The following EPM2A variants were observed in gnomAD, a reference collection of about 807,000 sequenced individuals.
EPM2A encodes the protein laforin.
A neutral mutation model predicts 26.5 loss-of-function variants in EPM2A; 21 were observed. The observed-to-expected ratio is 0.79, with a 90% confidence interval of 0.56 to 1.14. The LOEUF is 1.14. Ranked by LOEUF, EPM2A falls within the 50% of genes most tolerant of loss-of-function variation. The pLI, the probability that EPM2A is intolerant of heterozygous loss-of-function variation, is 0.00. For missense variants in EPM2A, 458 were observed against 440.8 expected, an observed-to-expected ratio of 1.04 and a Z score of -0.35; for synonymous variants, 217 against 177.6, an observed-to-expected ratio of 1.22 and a Z score of -1.76.
chr6:145,521,897 G>A (rs1019174908), intron 2 of EPM2A, among the ~76,000 whole-genome samples: 5 of 152,192 alleles, frequency 3.3e-5, no homozygotes, highest in African/African-American at 1.2e-4. Context: ...AAATGGTAAA[G>A]ATCCATGTCT....
intron 1 of EPM2A, among the ~76,000 whole-genome samples, chr6:145,729,159 C>A (rs989263885): frequency 6.6e-6 from 1 of 152,194 alleles, no homozygotes; most frequent in Non-Finnish European, 1.5e-5. Flanking sequence ...ACCTAGATAT[C>A]CAGGCAGAAG....
At chr6:145,462,215 T>A (rs1318362030) in intron 4 of EPM2A, among the ~76,000 whole-genome samples, 2 of 152,170 alleles carry the variant, frequency 1.3e-5, no homozygotes, top group Non-Finnish European at 2.9e-5. Context: ...ACTTCAGATA[T>A]TTCCAGGAGT....
At chr6:145,466,011 G>C (rs946198436) in intron 4 of EPM2A, among the ~76,000 whole-genome samples, 2 of 151,930 alleles carry the variant, frequency 1.3e-5, no homozygotes, top group African/African-American at 4.8e-5. Context: ...AGACTTAAAG[G>C]TTAGACCTAA....
chr6:145,679,341 T>C (rs1780323431), intron 2 of EPM2A, among the ~76,000 whole-genome samples: 1 of 151,810 alleles, frequency 6.6e-6, no homozygotes, highest in Non-Finnish European at 1.5e-5. Flanking sequence ...CAAACCAACA[T>C]GGCACATGTA....
At chr6:145,716,881 TTTG>T (rs1775658209) in intron 1 of EPM2A, among the ~76,000 whole-genome samples, 1 of 152,214 alleles carries the variant, frequency 6.6e-6, no homozygotes, top group Non-Finnish European at 1.5e-5. Flanking sequence ...TAAAAACAGC[TTTG>T]TTGTTGTATT....
At chr6:145,455,148 T>C (rs1779246610) in intron 4 of EPM2A, among the ~76,000 whole-genome samples, 1 of 152,104 alleles carries the variant, frequency 6.6e-6, no homozygotes, top group Admixed American at 6.5e-5. Context: ...TAAAATTGTG[T>C]TGTGGTAACA....
chr6:145,697,255 C>T (rs894848554), intron 1 of EPM2A, among the ~76,000 whole-genome samples: 4 of 151,970 alleles, frequency 2.6e-5, no homozygotes, highest in African/African-American at 7.3e-5. Context: ...CCCCCGGAGC[C>T]GTAAAACCAG....
At chr6:145,547,910 T>C (rs934519397) in intron 2 of EPM2A, among the ~76,000 whole-genome samples, 2 of 152,094 alleles carry the variant, frequency 1.3e-5, no homozygotes, top group Admixed American at 1.3e-4. Flanking sequence ...ATGATAATAA[T>C]GCATGATTTT....
At chr6:145,645,929 T>C (rs1396800516) in intron 2 of EPM2A, among the ~76,000 whole-genome samples, 2 of 152,134 alleles carry the variant, frequency 1.3e-5, no homozygotes, top group African/African-American at 4.8e-5. Context: ...TTATTCTGCA[T>C]TCATGACTGT....
Position 145,696,772 on chromosome 6 carries a change from GGTATGTGTGTGTGT to G in EPM2A, c.302-10490_302-10477del, listed in dbSNP as rs879383101. Among the ~76,000 whole-genome samples the G allele has an allele frequency of 8.3e-3, 915 of 110,794 alleles. 10 individuals carry two copies. The highest frequency in any genetic ancestry group is 0.03 in the African/African-American group (864 of 28,570). The allele number at this position is 110,794 out of a possible 152,430, so 72.7% of individuals were successfully genotyped here. A position where few individuals can be genotyped will look rare whatever the true frequency, so the allele number is the denominator to read the frequency against. ...GAATCAAACATCTGGCACAGGTAGG[GGTATGTGTGTGTGT>G]GTGTGTGTGTGTGTGTGTGTGTGTG... is the stretch of plus-strand genomic sequence containing the variant. On this transcript the variant is annotated intron_variant, in intron 1 of 3. Coordinates refer to ENST00000367519, the MANE Select transcript of EPM2A (RefSeq NM_005670.4).
At chr6:145,443,023 G>A (rs1464958553) in intron 4 of EPM2A, among the ~76,000 whole-genome samples, 1 of 151,202 alleles carries the variant, frequency 6.6e-6, no homozygotes, top group Non-Finnish European at 1.5e-5. Context: ...ACCACGCCCG[G>A]CTAATTTTTG....
chr6:145,445,466 A>G (rs1779117954), intron 4 of EPM2A, among the ~76,000 whole-genome samples: 2 of 152,356 alleles, frequency 1.3e-5, no homozygotes, highest in South Asian at 4.1e-4. Context: ...TCCAGTATAG[A>G]GAATCTAGGC....
At chr6:145,413,739 C>T (rs1199590296) in intron 4 of EPM2A, among the ~76,000 whole-genome samples, 1 of 152,178 alleles carries the variant, frequency 6.6e-6, no homozygotes, top group Non-Finnish European at 1.5e-5. Context: ...TAACTTCTAT[C>T]TCTTGGCCAT....
rs910818459 is a variant in EPM2A at position 145,385,958 on chromosome 6, T to C, written c.556-1861A>G. ...ATTCCTTGTGTAGTTCAGACTCATG[T>C]AAACAAAACTATACTCCAGGGAGAT... On this transcript the variant is annotated intron_variant, in intron 4 of 4. Transcript: ENST00000638717. Among the ~76,000 whole-genome samples, 20 of 152,254 alleles carry C rather than the reference T, an allele frequency of 1.3e-4. No individual in the cohort carries two copies. The East Asian group carries it at 1.5e-3, about 12-fold the overall frequency.
chr6:145,683,268 G>GGTGTGTGTGTGTGTGTGTGTGTGTGT (rs35326843), intron 2 of EPM2A, among the ~76,000 whole-genome samples: 11 of 134,008 alleles, frequency 8.2e-5, no homozygotes, highest in African/African-American at 1.6e-4. Flanking sequence ...CCCAGGATTT[G>GGTGTGTGTGTGTGTGTGTGTGTGTGT]GTGTGTGTGT....
At chr6:145,687,815 A>T (rs1781028080) in intron 1 of EPM2A, among the ~76,000 whole-genome samples, 1 of 152,094 alleles carries the variant, frequency 6.6e-6, no homozygotes, top group African/African-American at 2.4e-5. Flanking sequence ...TTCCTAGATC[A>T]GTCTCCTCTT....
intron 1 of EPM2A, chr6:145,734,739 G>C (rs1473228800): frequency 6.6e-6 from 1 of 152,556 alleles, no homozygotes; most frequent in Admixed American, 6.5e-5. Context: ...CCAAGGCGGA[G>C]TTGGGCTGTT....
At chr6:145,644,562 G>C (rs1479637280) in intron 2 of EPM2A, among the ~76,000 whole-genome samples, 1 of 152,116 alleles carries the variant, frequency 6.6e-6, no homozygotes, top group Non-Finnish European at 1.5e-5. Context: ...TAGCAGTGCT[G>C]CAGTCAGGGA....
At chr6:145,516,423 A>C (rs1780128371) in intron 2 of EPM2A, among the ~76,000 whole-genome samples, 1 of 152,180 alleles carries the variant, frequency 6.6e-6, no homozygotes, top group South Asian at 2.1e-4. Flanking sequence ...AGTTCAGTCA[A>C]TGCCTAGTGA....
Sources: allele counts gnomAD v4.1 joint callset (sites outside exome capture counted in the v4.1 genomes callset), GRCh38; gene constraint gnomAD v4.1.1; transcripts MANE v1.5; gene names NCBI Gene and HGNC (gene_info 2026-07-23, HGNC 2026-07-21).